LMO7: variants seen among roughly 807,000 people sequenced by gnomAD.
LMO7 encodes LIM domain 7, also known as LIM domain only protein 7.
Under a neutral mutation model 206.5 loss-of-function variants are expected in LMO7, and 120 were observed. The ratio of observed to expected loss-of-function variants is 0.58; its 90% CI spans 0.50 to 0.68. The LOEUF (loss-of-function observed/expected upper bound fraction) is 0.68. Among genes scored for constraint, LMO7 ranks in the 30% least tolerant of loss-of-function variants. The pLI, the probability that LMO7 is intolerant of heterozygous loss-of-function variation, is 0.00. For synonymous variants in LMO7, 706 were observed against 681.5 expected, an observed-to-expected ratio of 1.04 and a Z score of -0.56; for missense variants, 1,959 against 1,957.9, an observed-to-expected ratio of 1.00 and a Z score of -0.01.
At chr13:75,621,570 T>G (rs1191740976) in exon 1 of LMO7, 1 of 421,710 alleles carries the variant, frequency 2.4e-6, no homozygotes, top group Non-Finnish European at 4.1e-6. Flanking sequence ...CCATTCATGT[T>G]TCATTTATAG....
chr13:75,839,035 T>C (rs1438553294), intron 20 of LMO7, among the ~76,000 whole-genome samples: 1 of 152,246 alleles, frequency 6.6e-6, no homozygotes, highest in Non-Finnish European at 1.5e-5. Flanking sequence ...ACAGTACTTA[T>C]TGGGTTTGTG....
At chr13:75,742,012 A>G (rs1197745678) in intron 3 of LMO7, among the ~76,000 whole-genome samples, 5 of 152,210 alleles carry the variant, frequency 3.3e-5, no homozygotes, top group African/African-American at 1.2e-4. Flanking sequence ...TTAAGCTGTT[A>G]AACAACTTCA....
At chr13:75,754,638 G>A (rs2047531128) in intron 3 of LMO7, among the ~76,000 whole-genome samples, 1 of 152,204 alleles carries the variant, frequency 6.6e-6, no homozygotes, top group South Asian at 2.1e-4. Flanking sequence ...TGACTGATAA[G>A]AGCTTGCTTA....
rs57536883 is a variant in LMO7 at position 75,757,790 on chromosome 13, C to CTGTG, written c.211-3094_211-3091dup. ...TAGATACATTTAGGGCTCATTGTTTCTGTGTGTGTGTGTGTGTGTGTGTGT... is the reference window on the plus strand; with the variant it reads ...TAGATACATTTAGGGCTCATTGTTTCTGTGTGTGTGTGTGTGTGTGTGTGTGTGT... On this transcript the variant is annotated intron_variant, in intron 3 of 30. Transcript: ENST00000377534. Among the ~76,000 whole-genome samples, 173 of 143,538 alleles carry CTGTG rather than the reference C, an allele frequency of 1.2e-3. 2 individuals are homozygous for CTGTG. Among genetic ancestry groups the CTGTG allele is most frequent in the Admixed American group, 4.1e-3 (59 of 14,492 alleles). The allele number at this position is 143,538 out of a possible 152,430, so 94.2% of individuals were successfully genotyped here.
chr13:75,737,437 TTTAG>T (rs1316245463), intron 3 of LMO7, among the ~76,000 whole-genome samples: 1 of 151,712 alleles, frequency 6.6e-6, no homozygotes, highest in Non-Finnish European at 1.5e-5. Context: ...AGGTACATGT[TTTAG>T]TTAATACCTT....
At chr13:75,689,445 A>T (rs2041275747) in intron 1 of LMO7, among the ~76,000 whole-genome samples, 2 of 152,006 alleles carry the variant, frequency 1.3e-5, no homozygotes, top group Admixed American at 6.6e-5. Context: ...GCATACTGTG[A>T]TGGTTAATAT....
chr13:75,737,677 T>TG (rs1413445804), intron 3 of LMO7, among the ~76,000 whole-genome samples: 2 of 128,490 alleles, frequency 1.6e-5, no homozygotes, highest in Admixed American at 1.7e-4. Flanking sequence ...GGCGTGAACC[T>TG]GGGAGGCGGA....
chr13:75,739,438 G>C (rs2046238827), intron 3 of LMO7, among the ~76,000 whole-genome samples: 1 of 152,206 alleles, frequency 6.6e-6, no homozygotes, highest in Non-Finnish European at 1.5e-5. Flanking sequence ...GAATGCTGTA[G>C]AAAGCAGGAA....
At chr13:75,659,042 C>T (rs937119254) in intron 1 of LMO7, among the ~76,000 whole-genome samples, 6 of 109,072 alleles carry the variant, frequency 5.5e-5, no homozygotes, top group Non-Finnish European at 6.2e-5. Context: ...TATCTCTTTC[C>T]TTCCACTCAT....
In LMO7 at chr13:75,833,075, A is replaced by G; in HGVS notation, c.2974A>G (p.Ser992Gly). 6.2e-7 allele frequency: 1 copy of G among 1,608,560 alleles called. No homozygotes were observed. The highest frequency in any genetic ancestry group is 8.5e-7 in the Non-Finnish European group (1 of 1,175,144). The change falls in exon 16 of 31, where the codon AGC (serine) becomes GGC (glycine). Residue 992 changes from serine (S) to glycine (G), a missense_variant. Physicochemically the swap from Ser to Gly is moderately conservative, Grantham distance 56 (BLOSUM62 0). Transcript: ENST00000377534. Reference sequence around the variant, plus strand: ...GGATCAGTTCAGTGATATGAGAATCAGCATAAACCAGACGCCTGGGAAGAG... The same window carrying G: ...GGATCAGTTCAGTGATATGAGAATCGGCATAAACCAGACGCCTGGGAAGAG... ...SQDQFSDMRI[S>G]INQTPGKSLD...
chr13:75,647,887 A>G (rs1441906903), intron 1 of LMO7, among the ~76,000 whole-genome samples: 1 of 151,752 alleles, frequency 6.6e-6, no homozygotes, highest in Non-Finnish European at 1.5e-5. Context: ...GTGAAGGGAA[A>G]AGGGAAGCTG....
chr13:75,652,119 G>A (rs1378877317), intron 1 of LMO7, among the ~76,000 whole-genome samples: 1 of 151,830 alleles, frequency 6.6e-6, no homozygotes, highest in East Asian at 1.9e-4. Flanking sequence ...AGCTCCCTGA[G>A]GATATTATAA....
At chr13:75,744,716 C>G (rs999959304) in intron 3 of LMO7, among the ~76,000 whole-genome samples, 2 of 152,304 alleles carry the variant, frequency 1.3e-5, no homozygotes, top group Middle Eastern at 3.4e-3. Context: ...TATTGAACAT[C>G]TACTATGTGT....
intron 9 of LMO7, 120 bp downstream of exon 9, chr13:75,805,880 A>G (rs1056003442): frequency 1.7e-6 from 2 of 1,180,458 alleles, no homozygotes; most frequent in Middle Eastern, 2.9e-4. Flanking sequence ...GTTCTCTAGT[A>G]TCTGCGGAAC....
At chr13:75,717,337 T>C (rs1425244743) in intron 2 of LMO7, among the ~76,000 whole-genome samples, 1 of 134,556 alleles carries the variant, frequency 7.4e-6, no homozygotes, top group African/African-American at 2.8e-5. Flanking sequence ...CACTCCAGCC[T>C]GGGCAACAGA....
rs1555305771 is a variant in LMO7 at position 75,737,789 on chromosome 13, A to AAC, written c.210+10692_210+10693insCA. 3.0e-4 allele frequency among the ~76,000 whole-genome samples: 39 copies of AAC among 129,904 alleles called. 3 individuals carry two copies. Among genetic ancestry groups the AAC allele is most frequent in the Non-Finnish European group, 4.7e-4 (29 of 62,174 alleles). The allele number at this position is 129,904 out of a possible 152,430, so 85.2% of individuals were successfully genotyped here. Reference sequence around the variant, plus strand: ...AAATAAAATAAAATAAAATAAAAAAAAAAAAAAAAAAACTTTTTACTTTGA... The same window carrying AAC: ...AAATAAAATAAAATAAAATAAAAAAAACAAAAAAAAAAAACTTTTTACTTTGA... On this transcript the variant is annotated intron_variant, in intron 3 of 30. Transcript: ENST00000377534.
At chr13:75,621,775 G>C in exon 1 of LMO7, 1 of 1,612,850 alleles carries the variant, frequency 6.2e-7, no homozygotes, top group Non-Finnish European at 8.5e-7. Flanking sequence ...AACAGAGCTC[G>C]GAGCTCTGGA....
chr13:75,761,089 C>A (rs896443898), intron 4 of LMO7, 51 bp downstream of exon 4: 3 of 1,152,278 alleles, frequency 2.6e-6, no homozygotes, highest in Non-Finnish European at 2.4e-6. Flanking sequence ...AAACTTAGGG[C>A]TTGTAGCTTA....
Position 75,849,182 on chromosome 13 carries a change from C to T in LMO7, c.4254C>T (p.Ile1418=). 1 of 1,613,980 alleles carries T rather than the reference C, an allele frequency of 6.2e-7. No homozygotes were observed. Among genetic ancestry groups the T allele is most frequent in the East Asian group, 2.2e-5 (1 of 44,860 alleles). Reference sequence around the variant, plus strand: ...GAGCAGAATTGGAGAGGCAACAAATCCTTCAGGAAATGAGGAAGAGAACAC... The same window carrying T: ...GAGCAGAATTGGAGAGGCAACAAATTCTTCAGGAAATGAGGAAGAGAACAC... ...PSGAELERQQ[I]LQEMRKRTPL... Residue 1418 remains isoleucine, a synonymous_variant, in exon 27 of 31, where the codon ATC becomes ATT. Coordinates refer to ENST00000377534, the MANE Select transcript of LMO7 (RefSeq NM_001306080.2).
Sources: gnomAD v4.1 joint callset for allele counts (sites outside exome capture counted in the v4.1 genomes callset) on GRCh38, gnomAD v4.1.1 for gene constraint, MANE v1.5 for transcripts, NCBI Gene and HGNC (gene_info 2026-07-23, HGNC 2026-07-21) for gene names.